The following ACVR2A variants were observed in gnomAD, a reference collection of about 807,000 sequenced individuals.
ACVR2A encodes activin A receptor type 2A.
Under a neutral mutation model 61.4 loss-of-function variants are expected in ACVR2A, and 7 were observed. The ratio of observed to expected loss-of-function variants is 0.11; its 90% confidence interval spans 0.06 to 0.21. The LOEUF (loss-of-function observed/expected upper bound fraction) is 0.21, where lower values mean the gene tolerates loss of function less well. ACVR2A is among the 10% of genes least tolerant of loss of function. ACVR2A has a pLI of 1.00. For synonymous variants in ACVR2A, 193 were observed against 208.3 expected (o/e 0.93, Z 0.63); for missense variants, 322 against 621.7 (o/e 0.52, Z 5.13).
rs1687674855 is a variant in ACVR2A at position 147,930,761 on chromosome 2, G to C, written c.*3487G>C. On this transcript the variant is annotated 3_prime_UTR_variant, in exon 11 of 11. Transcript: ENST00000241416. ...CTTGGATAAGTGATTGTTAAATATT[G>C]TACAAATAAAATGTATGCTATCCCC... 1 of 151,956 alleles carries C rather than the reference G, an allele frequency of 6.6e-6. No homozygotes were observed. The highest frequency in any genetic ancestry group is 1.5e-5 in the Non-Finnish European group (1 of 67,946). 9.4% of individuals were successfully genotyped at this position (151,956 alleles called of 1,614,324 possible).
At chr2:147,881,607 G>A (rs2105171143) in intron 1 of ACVR2A, among the ~76,000 whole-genome samples, 1 of 30,970 alleles carries the variant, frequency 3.2e-5, no homozygotes, top group South Asian at 3.4e-3. Context: ...TGCTTAGTGT[G>A]TGTGTGTGTG....
At chr2:147,898,740 G>T (rs1425398619) in intron 2 of ACVR2A, among the ~76,000 whole-genome samples, 1 of 151,920 alleles carries the variant, frequency 6.6e-6, no homozygotes, top group Non-Finnish European at 1.5e-5. Context: ...ATGACTTAAG[G>T]TCCTATATAA....
chr2:147,928,011 C>T lies in ACVR2A; in HGVS notation c.*737C>T, dbSNP rs1022579852. 3 of 152,244 alleles carry T rather than the reference C, an allele frequency of 2.0e-5. No individual in the cohort carries two copies. The highest frequency in any genetic ancestry group is 1.9e-4 in the East Asian group (1 of 5,180). 9.4% of individuals were successfully genotyped at this position (152,244 alleles called of 1,614,324 possible). Reference sequence around the variant, plus strand: ...TTAGTGCCAACAATAAGTGGCCATTCGTAAAGCAGTGTTTTAGCATTTCTT... The same window carrying T: ...TTAGTGCCAACAATAAGTGGCCATTTGTAAAGCAGTGTTTTAGCATTTCTT... On this transcript the variant is annotated 3_prime_UTR_variant, in exon 11 of 11. Coordinates refer to ENST00000241416, the MANE Select transcript of ACVR2A (RefSeq NM_001616.5).
At chr2:147,865,662 C>A (rs1314057189) in intron 1 of ACVR2A, among the ~76,000 whole-genome samples, 7 of 152,154 alleles carry the variant, frequency 4.6e-5, no homozygotes, top group Admixed American at 3.3e-4. Flanking sequence ...TCCAGAGTTA[C>A]CTTGCTGATT....
chr2:147,860,780 G>C (rs568888964), intron 1 of ACVR2A, among the ~76,000 whole-genome samples: 1 of 152,244 alleles, frequency 6.6e-6, no homozygotes, highest in Non-Finnish European at 1.5e-5. Flanking sequence ...TGGGATTCTT[G>C]CTTTTACAAT....
At chr2:147,915,598 AATAAAG>A (rs1401109750) in intron 5 of ACVR2A, among the ~76,000 whole-genome samples, 2 of 151,942 alleles carry the variant, frequency 1.3e-5, no homozygotes, top group African/African-American at 2.4e-5. Flanking sequence ...AGAAATGTTA[AATAAAG>A]ATAAAGATTC....
At chr2:147,918,641 TA>T (rs749125636) in intron 7 of ACVR2A, 49 bp downstream of exon 7, 1 of 1,504,136 alleles carries the variant, frequency 6.6e-7, no homozygotes. Flanking sequence ...ATATATTTAC[TA>T]AACTTTTAAG....
intron 3 of ACVR2A, 25 bp downstream of exon 3, chr2:147,899,592 G>T: frequency 6.2e-7 from 1 of 1,603,452 alleles, no homozygotes; most frequent in Non-Finnish European, 8.5e-7. Context: ...AAAATACGTA[G>T]GTTTGCTCAA....
At chr2:147,864,555 AT>A (rs1685807399) in intron 1 of ACVR2A, among the ~76,000 whole-genome samples, 1 of 152,114 alleles carries the variant, frequency 6.6e-6, no homozygotes, top group South Asian at 2.1e-4. Context: ...TAAAGTATCA[AT>A]TAGCTTGCAG....
intron 4 of ACVR2A, among the ~76,000 whole-genome samples, chr2:147,906,062 T>C (rs559596736): frequency 3.3e-5 from 5 of 152,166 alleles, no homozygotes; most frequent in Non-Finnish European, 7.4e-5. Flanking sequence ...TTATCCTCCT[T>C]CTCTGGCAAG....
intron 5 of ACVR2A, among the ~76,000 whole-genome samples, chr2:147,916,995 G>A (rs376115338): frequency 1.3e-5 from 2 of 151,834 alleles, no homozygotes. Context: ...AGTAACTTAC[G>A]TGTTGCCATT....
At chr2:147,926,949 C>T in intron 10 of ACVR2A, 131 bp from the exon 11 acceptor site, 1 of 821,640 alleles carries the variant, frequency 1.2e-6, no homozygotes. Context: ...ACATGGTAGT[C>T]AATAAAAGTG....
At chr2:147,917,222 A>T (rs1687266578) in intron 5 of ACVR2A, 61 bp from the exon 6 acceptor site, 2 of 1,529,074 alleles carry the variant, frequency 1.3e-6, no homozygotes, top group African/African-American at 2.8e-5. Context: ...GTAATCTCTT[A>T]TGCATGGTTT....
chr2:147,912,520 C>T (rs757309665), intron 4 of ACVR2A, among the ~76,000 whole-genome samples: 1 of 151,830 alleles, frequency 6.6e-6, no homozygotes, highest in Non-Finnish European at 1.5e-5. Flanking sequence ...TTTATGTCTA[C>T]ATTTGTCTTC....
At chr2:147,891,516 CAA>C (rs1158821330) in intron 1 of ACVR2A, among the ~76,000 whole-genome samples, 1 of 111,124 alleles carries the variant, frequency 9.0e-6, no homozygotes. Context: ...TAGATGGTAG[CAA>C]AAAAAAAAAA....
intron 4 of ACVR2A, among the ~76,000 whole-genome samples, chr2:147,900,814 C>A (rs1686853819): frequency 6.6e-6 from 1 of 151,828 alleles, no homozygotes; most frequent in Non-Finnish European, 1.5e-5. Context: ...TTCTTTAATA[C>A]CAGAAGGATT....
In ACVR2A at chr2:147,927,456, A is replaced by G; in HGVS notation, c.*182A>G. On this transcript the variant is annotated 3_prime_UTR_variant, in exon 11 of 11. Transcript: ENST00000241416. The stretch of plus-strand genomic sequence containing the variant: ...AGACTTACTGCATTGCCGACAGCAC[A>G]GATGTGAAGGACATGAGACTAAGAG... 1 of 562,896 alleles carries G rather than the reference A, an allele frequency of 1.8e-6. No homozygotes were observed. The allele number at this position is 562,896 out of a possible 1,614,324, so 34.9% of individuals were successfully genotyped here.
At chr2:147,891,516 C>CAA (rs1158821330) in intron 1 of ACVR2A, among the ~76,000 whole-genome samples, 1 of 111,170 alleles carries the variant, frequency 9.0e-6, no homozygotes, top group African/African-American at 3.4e-5. Flanking sequence ...TAGATGGTAG[C>CAA]AAAAAAAAAA....
chr2:147,899,956 A>G, intron 4 of ACVR2A, 58 bp downstream of exon 4: 1 of 1,536,444 alleles, frequency 6.5e-7, no homozygotes, highest in Non-Finnish European at 8.9e-7. Context: ...GAGAAATATT[A>G]CTGTGGTGAA....
Sources: allele counts gnomAD v4.1 joint callset (sites outside exome capture counted in the v4.1 genomes callset), GRCh38; gene constraint gnomAD v4.1.1; transcripts MANE v1.5; gene names NCBI Gene and HGNC (gene_info 2026-07-23, HGNC 2026-07-21).